PBX3: variants seen among roughly 807,000 people sequenced by gnomAD.
PBX3 encodes PBX homeobox 3.
Under a neutral mutation model 48.5 loss-of-function variants are expected in PBX3, and 14 were observed. The observed-to-expected ratio is 0.29, with a 90% confidence interval of 0.19 to 0.45. The LOEUF (loss-of-function observed/expected upper bound fraction) is 0.45. Ranked by LOEUF, PBX3 falls within the 20% of genes least tolerant of loss-of-function variation. The probability of loss-of-function intolerance (pLI) is 1.00; values close to 1 mark genes in which losing one functional copy is unlikely to be tolerated. For synonymous variants in PBX3, 210 were observed against 200.3 expected (o/e 1.05, Z -0.41); for missense variants, 386 against 546.7 (o/e 0.71, Z 2.93).
At chr9:125,888,192 T>C (rs1289154821) in intron 2 of PBX3, among the ~76,000 whole-genome samples, 1 of 152,086 alleles carries the variant, frequency 6.6e-6, no homozygotes, top group African/African-American at 2.4e-5. Flanking sequence ...GACTTGAATA[T>C]AATACCTTTA....
At chr9:125,812,894 T>G (rs1022186532) in intron 2 of PBX3, among the ~76,000 whole-genome samples, 1 of 152,210 alleles carries the variant, frequency 6.6e-6, no homozygotes, top group Non-Finnish European at 1.5e-5. Context: ...GTGTAAGAGA[T>G]AAAACATGGT....
intron 2 of PBX3, among the ~76,000 whole-genome samples, chr9:125,857,600 A>G (rs1321513170): frequency 6.6e-6 from 1 of 152,196 alleles, no homozygotes; most frequent in African/African-American, 2.4e-5. Context: ...TTACCTCAAG[A>G]AGTGATATTA....
intron 2 of PBX3, among the ~76,000 whole-genome samples, chr9:125,768,847 T>G (rs1836867047): frequency 1.3e-5 from 2 of 152,234 alleles, no homozygotes; most frequent in South Asian, 4.1e-4. Context: ...AATTTTTGCT[T>G]GAAAGCATGA....
intron 2 of PBX3, among the ~76,000 whole-genome samples, chr9:125,831,606 A>G (rs899231811): frequency 6.6e-6 from 1 of 152,130 alleles, no homozygotes; most frequent in African/African-American, 2.4e-5. Context: ...TTAATTATCA[A>G]TTTCCAGAGT....
chr9:125,763,945 G>A (rs562529349), intron 2 of PBX3, among the ~76,000 whole-genome samples: 66 of 152,148 alleles, frequency 4.3e-4, no homozygotes, highest in African/African-American at 1.5e-3. Flanking sequence ...TCATTTAAAC[G>A]TTGTTTATGC....
chr9:125,855,111 G>A (rs145783862), intron 2 of PBX3, among the ~76,000 whole-genome samples: 1 of 152,208 alleles, frequency 6.6e-6, no homozygotes, highest in Non-Finnish European at 1.5e-5. Flanking sequence ...TCTTTCAATG[G>A]TTGATTCACT....
At chr9:125,877,686 G>C (rs1190754868) in intron 2 of PBX3, among the ~76,000 whole-genome samples, 1 of 151,928 alleles carries the variant, frequency 6.6e-6, no homozygotes, top group Non-Finnish European at 1.5e-5. Flanking sequence ...AACATTTTCA[G>C]AATCTGAACC....
chr9:125,780,995 ATG>A (rs1837287339), intron 2 of PBX3, among the ~76,000 whole-genome samples: 1 of 95,796 alleles, frequency 1.0e-5, no homozygotes, highest in African/African-American at 4.8e-5. Context: ...CACTTCCTAG[ATG>A]GGATGGCGGC....
chr9:125,832,452 C>G (rs1588196973), intron 2 of PBX3, among the ~76,000 whole-genome samples: 1 of 152,204 alleles, frequency 6.6e-6, no homozygotes, highest in South Asian at 2.1e-4. Context: ...GCCTCGGCCT[C>G]CCAAAGTGCT....
intron 2 of PBX3, among the ~76,000 whole-genome samples, chr9:125,881,372 T>C (rs1840377289): frequency 6.6e-6 from 1 of 152,210 alleles, no homozygotes; most frequent in African/African-American, 2.4e-5. Flanking sequence ...TTAACAGCTC[T>C]CTGTGTCACT....
At chr9:125,906,183 A>G (rs975735903) in intron 2 of PBX3, among the ~76,000 whole-genome samples, 3 of 152,028 alleles carry the variant, frequency 2.0e-5, no homozygotes, top group African/African-American at 7.2e-5. Flanking sequence ...CATGTTTCCT[A>G]TAATCATGCC....
chr9:125,857,997 C>T (rs1028175829), intron 2 of PBX3, among the ~76,000 whole-genome samples: 3 of 152,144 alleles, frequency 2.0e-5, no homozygotes, highest in South Asian at 2.1e-4. Context: ...AATATTTTCA[C>T]CTAAAAGAGG....
At chr9:125,855,496 ACTTTCTTCAAGGTAAAGATTTTTTT>A (rs920815612) in intron 2 of PBX3, among the ~76,000 whole-genome samples, 12 of 152,078 alleles carry the variant, frequency 7.9e-5, no homozygotes, top group Non-Finnish European at 1.6e-4. Context: ...ATCTTGACTT[ACTTTCTTCAAGGTAAAGATTTTTTT>A]CTTTTTAAAA....
chr9:125,751,015 C>T (rs1010241094), intron 2 of PBX3, among the ~76,000 whole-genome samples: 1 of 152,096 alleles, frequency 6.6e-6, no homozygotes. Flanking sequence ...TCCAAGCCCC[C>T]CCACTCCTGC....
intron 3 of PBX3, among the ~76,000 whole-genome samples, chr9:125,923,371 T>A (rs1391467337): frequency 6.6e-6 from 1 of 152,210 alleles, no homozygotes; most frequent in East Asian, 1.9e-4. Context: ...CTAGGTTTGT[T>A]GGAATTAACA....
intron 2 of PBX3, among the ~76,000 whole-genome samples, chr9:125,859,902 T>G (rs1839817935): frequency 1.3e-5 from 2 of 152,176 alleles, no homozygotes; most frequent in African/African-American, 4.8e-5. Flanking sequence ...GGTTGGCCTA[T>G]TGCCTCTCCG....
intron 4 of PBX3, among the ~76,000 whole-genome samples, chr9:125,932,577 G>T (rs1271777287): frequency 1.3e-5 from 2 of 152,140 alleles, no homozygotes; most frequent in African/African-American, 2.4e-5. Flanking sequence ...TCAAATCAGG[G>T]TTAGAGAGGT....
Position 125,944,482 on chromosome 9 carries a change from G to A in PBX3, c.843+8875G>A, listed in dbSNP as rs113955576. ...CTTCTCCCCAAGAAATACTGAATTT[G>A]TTGGGGGAAACAGACAGATGTGTTA... On this transcript the variant is annotated intron_variant, in intron 5 of 8. Transcript: ENST00000373489. Among the ~76,000 whole-genome samples the A allele has an allele frequency of 4.0e-3, 605 of 152,322 alleles. 3 individuals are homozygous for A. The highest frequency in any genetic ancestry group is 7.3e-3 in the Non-Finnish European group (500 of 68,030).
chr9:125,920,324 G>A (rs1841430890), intron 3 of PBX3, among the ~76,000 whole-genome samples: 1 of 152,040 alleles, frequency 6.6e-6, no homozygotes, highest in South Asian at 2.1e-4. Context: ...CTTTCTTATG[G>A]TTAAAGGACC....
Sources: gnomAD v4.1 joint callset for allele counts (sites outside exome capture counted in the v4.1 genomes callset) on GRCh38, gnomAD v4.1.1 for gene constraint, MANE v1.5 for transcripts, NCBI Gene and HGNC (gene_info 2026-07-23, HGNC 2026-07-21) for gene names.